Variants in STAB2 observed in about 807,000 individuals in gnomAD.
The protein encoded by STAB2 is stabilin-2.
STAB2 carries 288 observed loss-of-function variants against 338.1 expected under a neutral mutation model. That is an observed-to-expected ratio of 0.85 (90% CI 0.77 to 0.94). The LOEUF (loss-of-function observed/expected upper bound fraction) is 0.94. Among genes scored for constraint, STAB2 ranks in the 40% least tolerant of loss-of-function variants. The probability of loss-of-function intolerance (pLI) is 0.00; values close to 1 mark genes in which losing one functional copy is unlikely to be tolerated. For missense variants in STAB2, 3,141 were observed against 3,210.1 expected (o/e 0.98, Z 0.52); for synonymous variants, 1,202 against 1,193.3 (o/e 1.01, Z -0.15).
At chr12:103,606,428 A>G (rs1253734314) in intron 3 of STAB2, among the ~76,000 whole-genome samples, 1 of 152,202 alleles carries the variant, frequency 6.6e-6, no homozygotes, top group Admixed American at 6.5e-5. Context: ...CCACATAATG[A>G]CGATGTCCAG....
At chr12:103,605,870 A>G (rs1957020666) in intron 3 of STAB2, among the ~76,000 whole-genome samples, 1 of 151,968 alleles carries the variant, frequency 6.6e-6, no homozygotes, top group Non-Finnish European at 1.5e-5. Flanking sequence ...ACAATTTTGT[A>G]GGCAGCATAT....
chr12:103,649,249 G>C (rs912399907), intron 10 of STAB2, among the ~76,000 whole-genome samples: 2 of 152,204 alleles, frequency 1.3e-5, no homozygotes, highest in South Asian at 4.1e-4. Context: ...TTGTTCCTCA[G>C]TGGAGGGGCT....
chr12:103,677,045 C>G (rs553795213), intron 24 of STAB2, among the ~76,000 whole-genome samples: 3 of 152,144 alleles, frequency 2.0e-5, no homozygotes, highest in Non-Finnish European at 4.4e-5. Flanking sequence ...CCTGAGAGGC[C>G]CGGGAGCTAG....
chr12:103,657,066 A>T (rs1302267005), intron 15 of STAB2, among the ~76,000 whole-genome samples: 1 of 152,140 alleles, frequency 6.6e-6, no homozygotes, highest in African/African-American at 2.4e-5. Flanking sequence ...ATATGAAAAG[A>T]TTAGTTATAA....
At chr12:103,718,111 C>A (rs1480671281) in intron 44 of STAB2, among the ~76,000 whole-genome samples, 1 of 152,196 alleles carries the variant, frequency 6.6e-6, no homozygotes, top group East Asian at 1.9e-4. Context: ...ATATTGCCAA[C>A]TCTTATGAAA....
intron 59 of STAB2, 95 bp downstream of exon 59, chr12:103,749,251 C>A: frequency 7.6e-7 from 1 of 1,317,380 alleles, no homozygotes; most frequent in Non-Finnish European, 1.0e-6. Context: ...ATCTCCTGGA[C>A]TCTTCCTAAA....
intron 22 of STAB2, 137 bp downstream of exon 22, chr12:103,670,944 C>G: frequency 1.4e-6 from 1 of 694,930 alleles, no homozygotes; most frequent in South Asian, 1.8e-5. Context: ...ATTCATTAAG[C>G]TTTGGTTCTC....
At chr12:103,678,377 G>A (rs915903203) in intron 25 of STAB2, among the ~76,000 whole-genome samples, 7 of 152,112 alleles carry the variant, frequency 4.6e-5, no homozygotes, top group African/African-American at 1.2e-4. Context: ...ACTTGACCCC[G>A]AGCCTTTTGG....
chr12:103,639,634 G>A (rs1336080996), intron 8 of STAB2, among the ~76,000 whole-genome samples: 1 of 139,498 alleles, frequency 7.2e-6, no homozygotes, highest in African/African-American at 2.7e-5. Context: ...AGCCTGGGAA[G>A]TAAAGGCTGC....
At chr12:103,691,551 G>A (rs1877940191) in intron 30 of STAB2, among the ~76,000 whole-genome samples, 1 of 152,158 alleles carries the variant, frequency 6.6e-6, no homozygotes, top group Non-Finnish European at 1.5e-5. Context: ...TACATTGTAA[G>A]GTGATTCCTA....
intron 3 of STAB2, among the ~76,000 whole-genome samples, chr12:103,603,775 G>A (rs190297514): frequency 7.0e-4 from 106 of 152,188 alleles, no homozygotes; most frequent in African/African-American, 2.3e-3. Flanking sequence ...ATTTTAATTC[G>A]AATTCCATTA....
At chr12:103,750,467 C>CTCTT in intron 59 of STAB2, 112 bp from the exon 60 acceptor site, 1 of 1,384,994 alleles carries the variant, frequency 7.2e-7, no homozygotes. Context: ...AAGGCACGTT[C>CTCTT]TCTTGGTCCA....
At chr12:103,732,867 A>G (rs1229844263) in intron 50 of STAB2, 139 bp from the exon 51 acceptor site, 1 of 913,462 alleles carries the variant, frequency 1.1e-6, no homozygotes, top group Admixed American at 2.9e-5. Context: ...TAGTTTCTCT[A>G]GCTGCATCAC....
rs530439473 is a variant in STAB2 at position 103,636,177 on chromosome 12, C to T, written c.584-934C>T. 2.0e-3 allele frequency among the ~76,000 whole-genome samples: 304 copies of T among 151,442 alleles called. 2 individuals are homozygous for T. Among genetic ancestry groups the T allele is most frequent in the African/African-American group, 7.1e-3 (291 of 41,188 alleles). ...TCGTCATTTAGCATTAGGTGTATCT[C>T]CTAATGCTATCCATCCCCCCTCCCC... On this transcript the variant is annotated intron_variant, in intron 6 of 68. Transcript: ENST00000388887.
intron 11 of STAB2, among the ~76,000 whole-genome samples, chr12:103,650,903 A>G (rs1873691857): frequency 6.6e-6 from 1 of 152,206 alleles, no homozygotes; most frequent in Non-Finnish European, 1.5e-5. Context: ...CTTAACATAT[A>G]TCCAGGTGAT....
rs55862855 is a variant in STAB2 at position 103,624,940 on chromosome 12, CAAAAA to C, written c.487+2846_487+2850del. ...TGGGTGACAGAGCAAGACTCCATCT[CAAAAA>C]AAAAAAAAAAAAAAAAGGATATTGG... On this transcript the variant is annotated intron_variant, in intron 5 of 68. Coordinates refer to ENST00000388887, the MANE Select transcript of STAB2 (RefSeq NM_017564.10). Among the ~76,000 whole-genome samples the C allele has an allele frequency of 6.2e-4, 69 of 111,088 alleles. 1 individual carries two copies. The highest frequency in any genetic ancestry group is 2.2e-3 in the Admixed American group (23 of 10,540). The allele number at this position is 111,088 out of a possible 152,430, so 72.9% of individuals were successfully genotyped here. A position where few individuals can be genotyped will look rare whatever the true frequency, so the allele number is the denominator to read the frequency against.
chr12:103,637,061 A>G (rs1957558434), intron 6 of STAB2, 50 bp from the exon 7 acceptor site: 1 of 1,534,452 alleles, frequency 6.5e-7, no homozygotes, highest in East Asian at 2.4e-5. Context: ...GGGGGTCTTA[A>G]GAACTGGTTA....
At chr12:103,656,497 G>A (rs1423927563) in intron 15 of STAB2, among the ~76,000 whole-genome samples, 1 of 152,174 alleles carries the variant, frequency 6.6e-6, no homozygotes, top group African/African-American at 2.4e-5. Flanking sequence ...GCTGGGATGA[G>A]GCCCAGAAAT....
chr12:103,596,940 G>A (rs1236091694), intron 3 of STAB2, among the ~76,000 whole-genome samples: 1 of 113,466 alleles, frequency 8.8e-6, no homozygotes, highest in African/African-American at 3.5e-5. Flanking sequence ...GTAATAGAGT[G>A]AGACCCTATC....
Sources: gnomAD v4.1 joint callset for allele counts (sites outside exome capture counted in the v4.1 genomes callset) on GRCh38, gnomAD v4.1.1 for gene constraint, MANE v1.5 for transcripts, NCBI Gene and HGNC (gene_info 2026-07-23, HGNC 2026-07-21) for gene names.